PLA2G7: variants seen among roughly 807,000 people sequenced by gnomAD.
The protein encoded by PLA2G7 is phospholipase A2 group VII.
A neutral mutation model predicts 49.6 loss-of-function variants in PLA2G7; 63 were observed. That is an observed-to-expected ratio of 1.27 (90% CI 1.04 to 1.57). The LOEUF (loss-of-function observed/expected upper bound fraction) is 1.57. Among genes scored for constraint, PLA2G7 ranks in the 40% most tolerant of loss-of-function variants. The pLI, the probability that PLA2G7 is intolerant of heterozygous loss-of-function variation, is 0.00. For synonymous variants in PLA2G7, 193 were observed against 169.9 expected (o/e 1.14, Z -1.06); for missense variants, 596 against 521.2 (o/e 1.14, Z -1.40).
intron 2 of PLA2G7, among the ~76,000 whole-genome samples, chr6:46,720,570 G>A (rs561140323): frequency 2.6e-5 from 4 of 152,262 alleles, no homozygotes; most frequent in African/African-American, 9.6e-5. Context: ...CAGCTGACCC[G>A]GTTATGGGCC....
At chr6:46,725,849 C>A (rs1297539712) in intron 1 of PLA2G7, among the ~76,000 whole-genome samples, 2 of 152,082 alleles carry the variant, frequency 1.3e-5, no homozygotes, top group Admixed American at 1.3e-4. Context: ...GGTGGCATTC[C>A]CCTTGGACCT....
In PLA2G7 at chr6:46,704,270, C is replaced by T. The variant is rs558379008; in HGVS notation, c.*290G>A. 84 of 308,722 alleles carry T rather than the reference C, an allele frequency of 2.7e-4. 1 individual carries two copies. The South Asian group carries it at 2.8e-3, about 10-fold the overall frequency. The allele number at this position is 308,722 out of a possible 1,614,324, so 19.1% of individuals were successfully genotyped here. A position where few individuals can be genotyped will look rare whatever the true frequency, so the allele number is the denominator to read the frequency against. Reference sequence around the variant, plus strand: ...GTAATGTAAAAACAGTTTTTAACTTCGACACTGAAAAGGAATCATCTTTAA... The same window carrying T: ...GTAATGTAAAAACAGTTTTTAACTTTGACACTGAAAAGGAATCATCTTTAA... On this transcript the variant is annotated 3_prime_UTR_variant, in exon 12 of 12. Transcript: ENST00000274793.
chr6:46,735,394 G>T (rs1450472410), upstream of PLA2G7: 2 of 152,546 alleles, frequency 1.3e-5, no homozygotes, highest in Non-Finnish European at 1.5e-5. Context: ...TCCGCCTAGC[G>T]CGGCCTTGTG....
In PLA2G7 at chr6:46,728,541, CAT is replaced by C. The variant is rs1765637511; in HGVS notation, c.-34-5618_-34-5617del. Among the ~76,000 whole-genome samples, 8 of 152,310 alleles carry C rather than the reference CAT, an allele frequency of 5.3e-5. No homozygotes were observed. In the South Asian group the frequency reaches 1.7e-3, roughly 32 times the overall value. On this transcript the variant is annotated intron_variant, in intron 1 of 11. Transcript: ENST00000274793. ...CATGAGATGCAAAACCTGCAAGTAA[CAT>C]ATAATTAGTTGATTCTACTCACAAT...
intron 4 of PLA2G7, 62 bp from the exon 5 acceptor site, chr6:46,714,615 C>A: frequency 6.3e-6 from 6 of 952,196 alleles, no homozygotes; most frequent in Non-Finnish European, 1.0e-5. Flanking sequence ...GAATTTAATT[C>A]ATATCTCATT....
chr6:46,733,455 AGT>A (rs1765795804), intron 1 of PLA2G7, among the ~76,000 whole-genome samples: 1 of 40,924 alleles, frequency 2.4e-5, no homozygotes, highest in African/African-American at 4.8e-4. Flanking sequence ...CTGGCTGTAC[AGT>A]AGGCAGTCAC....
At chr6:46,732,934 T>C (rs887293717) in intron 1 of PLA2G7, among the ~76,000 whole-genome samples, 2 of 152,200 alleles carry the variant, frequency 1.3e-5, no homozygotes, top group South Asian at 4.1e-4. Context: ...TGGAAATTTC[T>C]CAACATCTTG....
chr6:46,722,973 C>A (rs201571618), intron 1 of PLA2G7, 48 bp from the exon 2 acceptor site: 28 of 778,822 alleles, frequency 3.6e-5, no homozygotes, highest in African/African-American at 1.9e-4. Context: ...AATGAAGAGG[C>A]CTTAAATAAG....
intron 1 of PLA2G7, among the ~76,000 whole-genome samples, chr6:46,723,288 T>C (rs1765460671): frequency 6.6e-6 from 1 of 152,188 alleles, no homozygotes; most frequent in Non-Finnish European, 1.5e-5. Context: ...TATCCATAGG[T>C]ATGTCTAGCA....
At chr6:46,718,083 A>C (rs1354813694) in intron 2 of PLA2G7, among the ~76,000 whole-genome samples, 1 of 152,166 alleles carries the variant, frequency 6.6e-6, no homozygotes, top group African/African-American at 2.4e-5. Context: ...CTGACCCTCT[A>C]GCTCAACTGT....
At chr6:46,722,972 GC>G (rs1409321659) in intron 1 of PLA2G7, 47 bp from the exon 2 acceptor site, 1 of 783,456 alleles carries the variant, frequency 1.3e-6, no homozygotes, top group Non-Finnish European at 2.2e-6. Flanking sequence ...CAATGAAGAG[GC>G]CTTAAATAAG....
intron 7 of PLA2G7, 108 bp downstream of exon 7, chr6:46,711,388 A>AGGAGAGC: frequency 1.7e-6 from 2 of 1,197,140 alleles, no homozygotes; most frequent in East Asian, 4.7e-5. Context: ...AATGGGAAAT[A>AGGAGAGC]GGAGAGCTAG....
intron 2 of PLA2G7, among the ~76,000 whole-genome samples, chr6:46,719,638 T>C (rs1765329638): frequency 6.6e-6 from 1 of 152,164 alleles, no homozygotes; most frequent in Non-Finnish European, 1.5e-5. Flanking sequence ...GGTGTACCTC[T>C]TACAAGCTAT....
Position 46,704,380 on chromosome 6 carries a change from A to G in PLA2G7, c.*180T>C, listed in dbSNP as rs1479859493. 1 of 594,714 alleles carries G rather than the reference A, an allele frequency of 1.7e-6. No homozygotes were observed. Among genetic ancestry groups the G allele is most frequent in the East Asian group, 2.8e-5 (1 of 35,396 alleles). 36.8% of individuals were successfully genotyped at this position (594,714 alleles called of 1,614,324 possible). A position where few individuals can be genotyped will look rare whatever the true frequency, so the allele number is the denominator to read the frequency against. On this transcript the variant is annotated 3_prime_UTR_variant, in exon 12 of 12. Transcript: ENST00000274793. ...GAAAAAATTCTTAGTCCAAGCTTCA[A>G]TCACGATTACAGTATAGCCTACATT...
rs770200630 is a variant in PLA2G7 at position 46,709,409 on chromosome 6, C to G, written c.787G>C (p.Asp263His). Reference protein sequence around the residue: ...FDMEQLKDSIDREKIAVIGHS... With the variant: ...FDMEQLKDSIHREKIAVIGHS... ...CCAATTACTGCTATTTTTTCCCTATCAATAGAGTCCTATTTGAAAAAGCAT... is the reference window on the plus strand; with the variant it reads ...CCAATTACTGCTATTTTTTCCCTATGAATAGAGTCCTATTTGAAAAAGCAT... The change falls in exon 9 of 12, where the codon GAT (aspartate) becomes CAT (histidine). Residue 263 changes from aspartate to histidine, a missense_variant. Asp to His is a moderately conservative substitution (Grantham distance 81). Transcript: ENST00000274793. 1.9e-6 allele frequency: 3 copies of G among 1,571,570 alleles called. No homozygotes were observed. The African/African-American group carries it at 4.1e-5, about 21-fold the overall frequency.
intron 1 of PLA2G7, among the ~76,000 whole-genome samples, chr6:46,724,729 G>A (rs542771243): frequency 5.3e-5 from 8 of 152,304 alleles, no homozygotes; most frequent in African/African-American, 1.7e-4. Context: ...AGTGAAAGAC[G>A]CCTGGATACC....
intron 8 of PLA2G7, among the ~76,000 whole-genome samples, chr6:46,709,661 G>A (rs554056347): frequency 6.6e-6 from 1 of 152,196 alleles, no homozygotes; most frequent in Non-Finnish European, 1.5e-5. Flanking sequence ...TAAACTTAAT[G>A]TTCTTTGTAG....
At chr6:46,729,946 G>A (rs887956700) in intron 1 of PLA2G7, among the ~76,000 whole-genome samples, 29 of 152,132 alleles carry the variant, frequency 1.9e-4, no homozygotes, top group Admixed American at 1.1e-3. Context: ...AGCCCTGAAA[G>A]TAAATTTAAA....
intron 1 of PLA2G7, among the ~76,000 whole-genome samples, chr6:46,729,512 A>C (rs1241440508): frequency 6.6e-6 from 1 of 152,262 alleles, no homozygotes; most frequent in Non-Finnish European, 1.5e-5. Context: ...TAAGCATTTC[A>C]TATAAATGAA....
Sources: allele counts gnomAD v4.1 joint callset (sites outside exome capture counted in the v4.1 genomes callset), GRCh38; gene constraint gnomAD v4.1.1; transcripts MANE v1.5; gene names NCBI Gene and HGNC (gene_info 2026-07-23, HGNC 2026-07-21).